The following KCNC2 variants were observed in gnomAD, a reference collection of about 807,000 sequenced individuals.
KCNC2 encodes the protein voltage-gated potassium channel KCNC2.
In KCNC2, 21 loss-of-function variants were observed where a neutral mutation model predicts 44.5. That is an observed-to-expected ratio of 0.47 (90% CI 0.33 to 0.68). The LOEUF is 0.68. KCNC2 is among the 30% of genes least tolerant of loss of function. KCNC2 has a pLI of 0.01. For synonymous variants in KCNC2, 391 were observed against 339.1 expected, an observed-to-expected ratio of 1.15 and a Z score of -1.68; for missense variants, 589 against 826.2, an observed-to-expected ratio of 0.71 and a Z score of 3.52.
At chr12:75,202,562 T>C (rs759190448) in intron 2 of KCNC2, among the ~76,000 whole-genome samples, 18 of 151,754 alleles carry the variant, frequency 1.2e-4, no homozygotes, top group Non-Finnish European at 2.7e-4. Context: ...TTTAATTAAA[T>C]AGAAATAATG....
intron 2 of KCNC2, among the ~76,000 whole-genome samples, chr12:75,156,621 A>G (rs1890778688): frequency 6.6e-6 from 1 of 151,808 alleles, no homozygotes; most frequent in Non-Finnish European, 1.5e-5. Flanking sequence ...CTTATTTTTA[A>G]ATGATGCCTA....
At chr12:75,203,264 A>C (rs1593091941) in intron 2 of KCNC2, among the ~76,000 whole-genome samples, 1 of 151,808 alleles carries the variant, frequency 6.6e-6, no homozygotes, top group African/African-American at 2.4e-5. Context: ...TGGCTTGGCG[A>C]AGAGGAAAAA....
At chr12:75,208,625 C>T (rs1197344143) in intron 1 of KCNC2, among the ~76,000 whole-genome samples, 1 of 148,386 alleles carries the variant, frequency 6.7e-6, no homozygotes, top group Non-Finnish European at 1.5e-5. Flanking sequence ...CCTAGGTCAA[C>T]CCCGGACCCC....
At position 75,043,136 on chromosome 12, in the gene KCNC2, C is replaced by G. The variant is rs897370421; in HGVS notation, c.1886G>C (p.Arg629Pro). 1 of 1,612,094 alleles carries G rather than the reference C, an allele frequency of 6.2e-7. No homozygotes were observed. Among genetic ancestry groups the G allele is most frequent in the African/African-American group, 1.3e-5 (1 of 74,728 alleles). The change falls in exon 5 of 5, where the codon CGC (arginine) becomes CCC (proline). Residue 629 changes from arginine to proline, a missense_variant. Physicochemically the swap from Arg to Pro is moderately radical, Grantham distance 103. Around this residue, in one of 7 missense-constraint regions of KCNC2, gnomAD observed 171 missense variants for 182.4 expected, o/e 0.94. Coordinates refer to ENST00000549446, the MANE Select transcript of KCNC2 (RefSeq NM_139137.4). ...GATAGATGGGATGGGAGATCGAGAG[C>G]GCCTCAGAGGACAAGGAGAGTTGTA... ...SPYNSPCPLR[R>P]SRSPIPSIL
Position 75,148,314 on chromosome 12 carries a change from T to G in KCNC2, c.687+58983A>C, listed in dbSNP as rs573165933. Among the ~76,000 whole-genome samples, 3 of 152,174 alleles carry G rather than the reference T, an allele frequency of 2.0e-5. No homozygotes were observed. In the South Asian group the frequency reaches 6.2e-4, roughly 31 times the overall value. On this transcript the variant is annotated intron_variant, in intron 2 of 4. Coordinates refer to ENST00000549446, the MANE Select transcript of KCNC2 (RefSeq NM_139137.4). ...TAACCTCCATCGAAACTGACAACCA[T>G]AAGCTCTTCCATGGCTGACATGGGA...
intron 2 of KCNC2, among the ~76,000 whole-genome samples, chr12:75,193,420 AT>A (rs2030481543): frequency 6.6e-6 from 1 of 152,138 alleles, no homozygotes; most frequent in South Asian, 2.1e-4. Flanking sequence ...CAGAGGCAAC[AT>A]GTACTAGGAG....
intron 2 of KCNC2, among the ~76,000 whole-genome samples, chr12:75,182,970 G>A (rs891042106): frequency 2.6e-5 from 4 of 152,178 alleles, no homozygotes; most frequent in Non-Finnish European, 5.9e-5. Context: ...GATGAATGAA[G>A]CACAGTGAGC....
intron 2 of KCNC2, among the ~76,000 whole-genome samples, chr12:75,057,384 A>G (rs2136971953): frequency 6.6e-6 from 1 of 152,172 alleles, no homozygotes; most frequent in African/African-American, 2.4e-5. Context: ...AAGTAGGAAC[A>G]AGTAGGGTCC....
At chr12:75,115,644 G>A (rs1048723389) in intron 2 of KCNC2, among the ~76,000 whole-genome samples, 1 of 152,090 alleles carries the variant, frequency 6.6e-6, no homozygotes, top group Non-Finnish European at 1.5e-5. Flanking sequence ...ATACTTTTCC[G>A]AATTAGTTCA....
At chr12:75,115,649 A>C (rs1283698928) in intron 2 of KCNC2, among the ~76,000 whole-genome samples, 1 of 152,174 alleles carries the variant, frequency 6.6e-6, no homozygotes, top group East Asian at 1.9e-4. Context: ...TTTCCGAATT[A>C]GTTCAGGTCA....
intron 2 of KCNC2, among the ~76,000 whole-genome samples, chr12:75,075,446 A>AATATATATATACATATATATATATATAT (rs1883841897): frequency 1.5e-5 from 1 of 67,810 alleles, no homozygotes; most frequent in African/African-American, 5.4e-5. Context: ...TCAGGAGAGA[A>AATATATATATACATATATATATATATAT]ATATATATAT....
intron 4 of KCNC2, among the ~76,000 whole-genome samples, chr12:75,044,315 T>C (rs1307620130): frequency 1.3e-5 from 2 of 151,962 alleles, no homozygotes; most frequent in African/African-American, 4.8e-5. Flanking sequence ...TGAAATTCTT[T>C]TTTGGCAACC....
intron 2 of KCNC2, chr12:75,123,886 A>G (rs1888214777): frequency 6.6e-6 from 1 of 152,220 alleles, no homozygotes; most frequent in Non-Finnish European, 1.5e-5. Context: ...AAAATTGAAT[A>G]CCACTTTTGC....
chr12:75,051,997 A>T (rs959925188), intron 2 of KCNC2, among the ~76,000 whole-genome samples: 4 of 152,080 alleles, frequency 2.6e-5, no homozygotes, highest in African/African-American at 4.8e-5. Context: ...TTGAAAATGG[A>T]TCTCAAAGTG....
At chr12:75,072,636 T>TA (rs933778184) in intron 2 of KCNC2, among the ~76,000 whole-genome samples, 54 of 150,738 alleles carry the variant, frequency 3.6e-4, no homozygotes, top group South Asian at 1.3e-3. Context: ...AAGTCCCATA[T>TA]AAAAAAAAAG....
In KCNC2 at chr12:75,161,699, A is replaced by C. The variant is rs80167999; in HGVS notation, c.687+45598T>G. On this transcript the variant is annotated intron_variant, in intron 2 of 4. Coordinates refer to ENST00000549446, the MANE Select transcript of KCNC2 (RefSeq NM_139137.4). ...CCCATTTATAGAAAATGTCGTCTGC[A>C]TACACTGGAATGTGAATTGCTCCCC... 7.3e-3 allele frequency among the ~76,000 whole-genome samples: 1,115 copies of C among 151,822 alleles called. 12 individuals carry two copies. The highest frequency in any genetic ancestry group is 0.026 in the African/African-American group (1,060 of 41,480).
intron 2 of KCNC2, among the ~76,000 whole-genome samples, chr12:75,139,593 C>T (rs1010140043): frequency 7.9e-5 from 12 of 152,178 alleles, no homozygotes; most frequent in Non-Finnish European, 1.0e-4. Context: ...CTCAGCCTTT[C>T]TCTCTCTTTC....
chr12:75,203,043 GACA>G (rs1162930302), intron 2 of KCNC2, among the ~76,000 whole-genome samples: 1 of 151,498 alleles, frequency 6.6e-6, no homozygotes, highest in African/African-American at 2.4e-5. Flanking sequence ...TTTAATAATT[GACA>G]ACAATATTTT....
chr12:75,081,084 A>G (rs1298780526), intron 2 of KCNC2, among the ~76,000 whole-genome samples: 1 of 125,470 alleles, frequency 8.0e-6, no homozygotes, highest in East Asian at 2.2e-4. Flanking sequence ...TATGTACTAT[A>G]GCCTTCCTGT....
Sources: gnomAD v4.1 joint callset for allele counts (sites outside exome capture counted in the v4.1 genomes callset) on GRCh38, gnomAD v4.1.1 for gene constraint, gnomAD v4.1.1 regional missense constraint, MANE v1.5 for transcripts, NCBI Gene and HGNC (gene_info 2026-07-23, HGNC 2026-07-21) for gene names.